Variants in GRIK2 observed in about 807,000 individuals in gnomAD.
GRIK2 encodes the protein glutamate ionotropic receptor kainate type subunit 2, also known as glutamate receptor ionotropic, kainate 2.
Under a neutral mutation model 100.3 loss-of-function variants are expected in GRIK2, and 32 were observed. That is an observed-to-expected ratio of 0.32 (90% CI 0.24 to 0.43). GRIK2 has a LOEUF of 0.43. GRIK2 is among the 20% of genes least tolerant of loss of function. The probability of loss-of-function intolerance (pLI) is 1.00; values close to 1 mark genes in which losing one functional copy is unlikely to be tolerated. For synonymous variants in GRIK2, 417 were observed against 389.4 expected (o/e 1.07, Z -0.83); for missense variants, 843 against 1,114.9 (o/e 0.76, Z 3.47).
chr6:101,910,676 A>G (rs1304433310), intron 12 of GRIK2, among the ~76,000 whole-genome samples: 1 of 151,404 alleles, frequency 6.6e-6, no homozygotes, highest in Non-Finnish European at 1.5e-5. Flanking sequence ...ATTTTATACA[A>G]ATAAAATAAT....
intron 7 of GRIK2, among the ~76,000 whole-genome samples, chr6:101,718,502 A>G (rs759273262): frequency 4.6e-5 from 7 of 151,982 alleles, no homozygotes; most frequent in Non-Finnish European, 1.0e-4. Flanking sequence ...GTATGCAAGT[A>G]CTATAAATTG....
At chr6:101,977,301 C>T (rs1304633956) in intron 14 of GRIK2, among the ~76,000 whole-genome samples, 1 of 150,632 alleles carries the variant, frequency 6.6e-6, no homozygotes, top group African/African-American at 2.5e-5. Context: ...TTCTGTGAAC[C>T]AGATGCCAAG....
At chr6:101,993,901 CACAT>C (rs1442329469) in intron 14 of GRIK2, 1 of 145,760 alleles carries the variant, frequency 6.9e-6, no homozygotes, top group Non-Finnish European at 1.5e-5. Flanking sequence ...ATATTATACA[CACAT>C]ATATTAATAT....
At chr6:101,484,920 A>T (rs1772737250) in intron 2 of GRIK2, among the ~76,000 whole-genome samples, 1 of 152,166 alleles carries the variant, frequency 6.6e-6, no homozygotes, top group South Asian at 2.1e-4. Context: ...TATCACTTTT[A>T]TTGGCGTACC....
At position 101,795,904 on chromosome 6, in the gene GRIK2, A is replaced by G. The variant is rs150726281; in HGVS notation, c.952-3744A>G. Among the ~76,000 whole-genome samples, 1,172 of 152,338 alleles carry G rather than the reference A, an allele frequency of 7.7e-3. 7 individuals are homozygous for G. The highest frequency in any genetic ancestry group is 9.8e-3 in the Non-Finnish European group (664 of 68,036). ...AACAATGTATTTCTTTTTTACAAAT[A>G]TGCATTTACCAGTTTTCTATAATCT... is the stretch of plus-strand genomic sequence containing the variant. On this transcript the variant is annotated intron_variant, in intron 7 of 16. Coordinates refer to ENST00000369134, the MANE Select transcript of GRIK2 (RefSeq NM_021956.5).
chr6:101,411,079 G>C (rs966671397), intron 2 of GRIK2, among the ~76,000 whole-genome samples: 1 of 151,940 alleles, frequency 6.6e-6, no homozygotes, highest in Non-Finnish European at 1.5e-5. Context: ...GGTGAAGAAA[G>C]GTGTCCCATT....
intron 2 of GRIK2, among the ~76,000 whole-genome samples, chr6:101,599,550 C>T (rs1779097565): frequency 6.6e-6 from 1 of 151,740 alleles, no homozygotes; most frequent in Admixed American, 6.6e-5. Context: ...TATACACGTT[C>T]CCCTTTCTCT....
chr6:101,510,184 G>T (rs1295212505), intron 2 of GRIK2, among the ~76,000 whole-genome samples: 1 of 152,068 alleles, frequency 6.6e-6, no homozygotes, highest in African/African-American at 2.4e-5. Flanking sequence ...GTTCTATTGG[G>T]CAAACATGTC....
chr6:101,550,608 C>T (rs563657408), intron 2 of GRIK2, among the ~76,000 whole-genome samples: 25 of 152,188 alleles, frequency 1.6e-4, no homozygotes, highest in South Asian at 4.1e-4. Context: ...TCAGGGGTTC[C>T]GAGCTGTCTT....
intron 2 of GRIK2, among the ~76,000 whole-genome samples, chr6:101,550,555 G>A (rs1353193130): frequency 6.6e-6 from 1 of 152,146 alleles, no homozygotes; most frequent in African/African-American, 2.4e-5. Context: ...CTACACTGCA[G>A]GATACTTAAA....
chr6:101,913,318 T>A (rs1788878070), intron 12 of GRIK2, among the ~76,000 whole-genome samples: 1 of 151,620 alleles, frequency 6.6e-6, no homozygotes, highest in Non-Finnish European at 1.5e-5. Flanking sequence ...GTATGATAAT[T>A]ATTCATGGAA....
At chr6:101,705,086 A>G (rs894814140) in intron 7 of GRIK2, among the ~76,000 whole-genome samples, 16 of 147,616 alleles carry the variant, frequency 1.1e-4, no homozygotes, top group African/African-American at 4.0e-4. Context: ...ATTTTTGTAG[A>G]ATTTTATCTC....
intron 2 of GRIK2, among the ~76,000 whole-genome samples, chr6:101,518,880 GT>G (rs539372932): frequency 9.1e-4 from 138 of 152,236 alleles, no homozygotes; most frequent in African/African-American, 3.2e-3. Context: ...CCCTTAAAGG[GT>G]GGAAAAAGCT....
intron 14 of GRIK2, among the ~76,000 whole-genome samples, chr6:101,957,781 G>A (rs572505630): frequency 3.9e-5 from 6 of 152,068 alleles, no homozygotes; most frequent in South Asian, 2.1e-4. Context: ...TTATTGAATA[G>A]GATGTCTTTT....
chr6:101,902,372 T>A (rs1787906535), intron 12 of GRIK2, among the ~76,000 whole-genome samples: 1 of 151,900 alleles, frequency 6.6e-6, no homozygotes, highest in South Asian at 2.1e-4. Flanking sequence ...GAAGGATATG[T>A]GGAAGATAAT....
intron 2 of GRIK2, among the ~76,000 whole-genome samples, chr6:101,548,991 T>C (rs1399859782): frequency 6.6e-6 from 1 of 152,060 alleles, no homozygotes; most frequent in East Asian, 1.9e-4. Context: ...GGCCAGATGG[T>C]TATTGAGTGT....
intron 4 of GRIK2, among the ~76,000 whole-genome samples, chr6:101,657,488 G>A (rs1448461048): frequency 2.0e-5 from 3 of 152,090 alleles, no homozygotes; most frequent in East Asian, 1.9e-4. Flanking sequence ...CTGATACATT[G>A]AGCCAATTCC....
intron 2 of GRIK2, among the ~76,000 whole-genome samples, chr6:101,549,659 G>A (rs2128291976): frequency 6.6e-6 from 1 of 152,144 alleles, no homozygotes; most frequent in East Asian, 1.9e-4. Context: ...GTATGAATCA[G>A]CCATCAAAAT....
At chr6:101,660,925 G>T (rs1769563235) in intron 4 of GRIK2, among the ~76,000 whole-genome samples, 3 of 152,130 alleles carry the variant, frequency 2.0e-5, no homozygotes. Flanking sequence ...GCTGCTGGGA[G>T]GTGTCTCCCA....
Sources: allele counts gnomAD v4.1 joint callset (sites outside exome capture counted in the v4.1 genomes callset), GRCh38; gene constraint gnomAD v4.1.1; transcripts MANE v1.5; gene names NCBI Gene and HGNC (gene_info 2026-07-23, HGNC 2026-07-21).